HOMER1: variants seen among roughly 807,000 people sequenced by gnomAD.
HOMER1 encodes the protein homer scaffold protein 1, also known as homer protein homolog 1.
In HOMER1, 3 loss-of-function variants were observed where a neutral mutation model predicts 48.9. The ratio of observed to expected loss-of-function variants is 0.06; its 90% CI spans 0.03 to 0.16. The LOEUF (loss-of-function observed/expected upper bound fraction) is 0.16. Among genes scored for constraint, HOMER1 ranks in the 10% least tolerant of loss-of-function variants. HOMER1 has a pLI of 1.00. For missense variants in HOMER1, 247 were observed against 411.4 expected, an observed-to-expected ratio of 0.60 and a Z score of 3.46; for synonymous variants, 134 against 146.4, an observed-to-expected ratio of 0.92 and a Z score of 0.61.
At position 79,375,796 on chromosome 5, in the gene HOMER1, A is replaced by C; in HGVS notation, c.*213T>G. ...ATACATGGAGGTAATTTGTAGTTCA[A>C]GTTTTTCATCTTTTTTCCCCAACTA... On this transcript the variant is annotated 3_prime_UTR_variant, in exon 9 of 9. Coordinates refer to ENST00000334082, the MANE Select transcript of HOMER1 (RefSeq NM_004272.5). 3 of 388,916 alleles carry C rather than the reference A, an allele frequency of 7.7e-6. No individual in the cohort carries two copies. The highest frequency in any genetic ancestry group is 1.4e-5 in the Non-Finnish European group (3 of 220,016). 24.1% of individuals were successfully genotyped at this position (388,916 alleles called of 1,614,324 possible).
At chr5:79,456,145 CAAAA>C (rs66567622) in intron 2 of HOMER1, among the ~76,000 whole-genome samples, 5 of 112,518 alleles carry the variant, frequency 4.4e-5, no homozygotes, top group Non-Finnish European at 9.5e-5. Flanking sequence ...GACTCCGTCT[CAAAA>C]AAAAAAAAAA....
At chr5:79,385,742 T>C (rs950680880) in intron 8 of HOMER1, among the ~76,000 whole-genome samples, 1 of 147,424 alleles carries the variant, frequency 6.8e-6, no homozygotes, top group African/African-American at 2.5e-5. Flanking sequence ...ACTCAGGAAG[T>C]TGAGGAGGGA....
At chr5:79,431,626 A>G (rs1004271862) in intron 5 of HOMER1, among the ~76,000 whole-genome samples, 2 of 152,214 alleles carry the variant, frequency 1.3e-5, no homozygotes, top group African/African-American at 2.4e-5. Context: ...GTTATTTAGT[A>G]TTTGAATTAT....
intron 1 of HOMER1, among the ~76,000 whole-genome samples, chr5:79,511,277 G>A (rs1008803069): frequency 2.0e-5 from 3 of 152,140 alleles, no homozygotes; most frequent in Middle Eastern, 3.4e-3. Context: ...TAAAATTGGT[G>A]CAATTCATCC....
At chr5:79,510,416 G>A (rs1037524443) in intron 1 of HOMER1, 8 of 643,040 alleles carry the variant, frequency 1.2e-5, no homozygotes, top group Admixed American at 3.8e-5. Flanking sequence ...TTCAGGAGCC[G>A]CGCCTTAAGG....
chr5:79,388,507 C>G (rs969965464), intron 8 of HOMER1, among the ~76,000 whole-genome samples: 3 of 152,050 alleles, frequency 2.0e-5, no homozygotes, highest in Admixed American at 6.5e-5. Flanking sequence ...CTTCCAAAAA[C>G]CAACTATGAA....
intron 4 of HOMER1, among the ~76,000 whole-genome samples, chr5:79,440,562 G>A (rs867338776): frequency 5.3e-5 from 8 of 151,942 alleles, no homozygotes; most frequent in Non-Finnish European, 1.2e-4. Context: ...GTCAATGCAC[G>A]AATAAAATCT....
chr5:79,396,845 T>A lies in HOMER1; in HGVS notation c.854A>T (p.Asp285Val), dbSNP rs915079516. Residue 285 changes from aspartate (D) to valine (V), a missense_variant, in exon 8 of 9, where the codon GAT becomes GTT. Asp to Val is a radical substitution (Grantham distance 152). Transcript: ENST00000334082. ...CACCTGTAGTTTCTGAGTCAAAGAA[T>A]CCCTCTGTTCTTGTAGTTCTCTGGC... is the stretch of plus-strand genomic sequence containing the variant. Reference protein sequence around the residue: ...DNARELQEQRDSLTQKLQEVE... With the variant: ...DNARELQEQRVSLTQKLQEVE... 1.2e-6 allele frequency: 2 copies of A among 1,601,632 alleles called. No homozygotes were observed. The highest frequency in any genetic ancestry group is 1.7e-6 in the Non-Finnish European group (2 of 1,170,542).
chr5:79,462,965 C>T (rs1376114692), intron 1 of HOMER1, among the ~76,000 whole-genome samples: 1 of 152,166 alleles, frequency 6.6e-6, no homozygotes, highest in Non-Finnish European at 1.5e-5. Context: ...ATGGCTACTG[C>T]AGCAAAGGAG....
intron 1 of HOMER1, among the ~76,000 whole-genome samples, 189 bp downstream of exon 1, chr5:79,512,581 T>A (rs954299742): frequency 1.3e-5 from 2 of 152,234 alleles, no homozygotes; most frequent in African/African-American, 4.8e-5. Flanking sequence ...TTTTAAATTA[T>A]GACCTCTGGT....
intron 1 of HOMER1, among the ~76,000 whole-genome samples, chr5:79,500,995 A>ACAC (rs1460147206): frequency 8.1e-6 from 1 of 124,132 alleles, no homozygotes; most frequent in East Asian, 2.5e-4. Flanking sequence ...CACACACACA[A>ACAC]GGTCTGGCTC....
intron 5 of HOMER1, among the ~76,000 whole-genome samples, chr5:79,433,783 G>A (rs997978720): frequency 5.3e-5 from 8 of 152,086 alleles, no homozygotes; most frequent in Admixed American, 1.3e-4. Context: ...AAACTTTGAT[G>A]ATAAATACAG....
chr5:79,389,582 T>G (rs746575941), intron 8 of HOMER1, among the ~76,000 whole-genome samples: 11 of 152,310 alleles, frequency 7.2e-5, no homozygotes, highest in South Asian at 4.1e-4. Context: ...GGTGGCTTGC[T>G]CTTCCATCTT....
At chr5:79,445,475 G>A (rs1750849911) in intron 4 of HOMER1, among the ~76,000 whole-genome samples, 1 of 152,152 alleles carries the variant, frequency 6.6e-6, no homozygotes, top group South Asian at 2.1e-4. Context: ...ACTTTACTTG[G>A]AGATATAACT....
chr5:79,450,577 T>C (rs1751002229), intron 3 of HOMER1, among the ~76,000 whole-genome samples: 1 of 152,206 alleles, frequency 6.6e-6, no homozygotes, highest in African/African-American at 2.4e-5. Context: ...CAGTAATTTA[T>C]ATGTACCTGC....
chr5:79,457,853 T>G (rs567276844), intron 1 of HOMER1, among the ~76,000 whole-genome samples: 1 of 152,300 alleles, frequency 6.6e-6, no homozygotes, highest in Admixed American at 6.5e-5. Context: ...TAAACTATGC[T>G]CTGCTAAAAT....
At chr5:79,380,034 G>T (rs1748925475) in intron 8 of HOMER1, among the ~76,000 whole-genome samples, 1 of 152,104 alleles carries the variant, frequency 6.6e-6, no homozygotes, top group South Asian at 2.1e-4. Flanking sequence ...ATCCAACAGA[G>T]GACACTGGAA....
chr5:79,414,245 T>C (rs1749882672), intron 5 of HOMER1, among the ~76,000 whole-genome samples: 1 of 134,136 alleles, frequency 7.5e-6, no homozygotes, highest in African/African-American at 3.3e-5. Context: ...CATACCTGGC[T>C]AATTTTTGCT....
chr5:79,377,720 A>G (rs1748812268), intron 8 of HOMER1, among the ~76,000 whole-genome samples: 1 of 152,246 alleles, frequency 6.6e-6, no homozygotes, highest in Non-Finnish European at 1.5e-5. Context: ...TGTTAAATGA[A>G]AAGAACAGAA....
Sources: gnomAD v4.1 joint callset for allele counts (sites outside exome capture counted in the v4.1 genomes callset) on GRCh38, gnomAD v4.1.1 for gene constraint, MANE v1.5 for transcripts, NCBI Gene and HGNC (gene_info 2026-07-23, HGNC 2026-07-21) for gene names.